The following MYH14 variants were observed in gnomAD, a reference collection of about 807,000 sequenced individuals.
The protein encoded by MYH14 is myosin heavy chain 14, also known as myosin-14.
Under a neutral mutation model 255.5 loss-of-function variants are expected in MYH14, and 123 were observed. The ratio of observed to expected loss-of-function variants is 0.48; its 90% CI spans 0.42 to 0.56. The LOEUF is 0.56. MYH14 is among the 20% of genes least tolerant of loss of function. The probability of loss-of-function intolerance (pLI) is 0.00; values close to 1 mark genes in which losing one functional copy is unlikely to be tolerated. For synonymous variants in MYH14, 1,095 were observed against 1,161.2 expected, an observed-to-expected ratio of 0.94 and a Z score of 1.16; for missense variants, 2,423 against 2,802.3, an observed-to-expected ratio of 0.86 and a Z score of 3.06.
rs1365792217 is a variant in MYH14 at position 50,280,359 on chromosome 19, T to G, written c.4266T>G (p.Arg1422=). 6.5e-7 allele frequency: 1 copy of G among 1,545,612 alleles called. No homozygotes were observed. Among genetic ancestry groups the G allele is most frequent in the South Asian group, 1.2e-5 (1 of 83,602 alleles). The change falls in exon 32 of 43, where the codon CGT becomes CGG. Residue 1422 remains arginine, a synonymous_variant. Transcript: ENST00000642316. This position sits in a 1 kb window ranked among gnomAD's most constrained non-coding sequence, Gnocchi z 4.8. Reference sequence around the variant, plus strand: ...CAGCTGCCAGGGAACGGGCGGGCCGTGAACTGCAGACTGCCCAGGCCCAGG... The same window carrying G: ...CAGCTGCCAGGGAACGGGCGGGCCGGGAACTGCAGACTGCCCAGGCCCAGG... The part of the protein sequence containing the change: ...EEAAARERAG[R]ELQTAQAQLS...
chr19:50,277,151 G>A (rs1044654711), intron 29 of MYH14, among the ~76,000 whole-genome samples: 1 of 152,214 alleles, frequency 6.6e-6, no homozygotes, highest in Admixed American at 6.5e-5. Context: ...TTTCCTTTTA[G>A]TGAGAGAGGC....
chr19:50,238,803 C>T (rs1393113187), intron 10 of MYH14, among the ~76,000 whole-genome samples: 1 of 152,138 alleles, frequency 6.6e-6, no homozygotes, highest in Non-Finnish European at 1.5e-5. Flanking sequence ...CATGGAAGGT[C>T]ACATTCACAG....
intron 14 of MYH14, 134 bp downstream of exon 14, chr19:50,249,957 A>C (rs536670982): frequency 3.6e-5 from 40 of 1,105,000 alleles, no homozygotes; most frequent in Non-Finnish European, 5.1e-5. Context: ...AGGTGACAGC[A>C]CCTGCTTCCT....
At chr19:50,295,217 C>T (rs922279993) in intron 39 of MYH14, among the ~76,000 whole-genome samples, 5 of 151,528 alleles carry the variant, frequency 3.3e-5, no homozygotes, top group African/African-American at 9.7e-5. Flanking sequence ...CCCAGCTACT[C>T]GGGAGGCTGA....
intron 7 of MYH14, 117 bp from the exon 8 acceptor site, chr19:50,226,786 G>A: frequency 1.1e-6 from 1 of 914,584 alleles, no homozygotes; most frequent in Non-Finnish European, 1.7e-6. Flanking sequence ...AGGGAGCAAG[G>A]AAGTGGGGGG....
chr19:50,244,760 GGCCTGA>G (rs1264505670), intron 11 of MYH14, among the ~76,000 whole-genome samples: 1 of 152,096 alleles, frequency 6.6e-6, no homozygotes, highest in East Asian at 1.9e-4. Flanking sequence ...TGGGATTACA[GGCCTGA>G]GCCACCGTGC....
In MYH14 at chr19:50,221,747, G is replaced by A. The variant is rs590783; in HGVS notation, c.563-1336G>A. On this transcript the variant is annotated intron_variant, in intron 3 of 42. Transcript: ENST00000642316. The surrounding 1 kb of genome is among the most constrained non-coding windows in gnomAD (Gnocchi z 5.3). ...TGGCCTCGGCCTCCCAAAGTGCTGG[G>A]ATTACAGGTATGAGCCACTGTGTCC... 0.016 allele frequency among the ~76,000 whole-genome samples: 2,364 copies of A among 152,216 alleles called. 90 individuals are homozygous for A. The highest frequency in any genetic ancestry group is 0.15 in the East Asian group (752 of 5,166).
intron 4 of MYH14, 49 bp downstream of exon 4, chr19:50,223,159 C>A (rs374686439): frequency 1.9e-6 from 3 of 1,609,914 alleles, no homozygotes; most frequent in East Asian, 4.5e-5. Flanking sequence ...CTGGGTGGGG[C>A]GTGGCTGTGT....
Position 50,302,758 on chromosome 19 carries a change from C to T in MYH14, c.5678+889C>T, listed in dbSNP as rs1028302384. The stretch of plus-strand genomic sequence containing the variant: ...TCTACTAAAAATACAAAAAATTAGC[C>T]GGGCGTGGTGGCACGTGCCTGTAAT... On this transcript the variant is annotated intron_variant, in intron 40 of 42. Coordinates refer to ENST00000642316, the MANE Select transcript of MYH14 (RefSeq NM_001145809.2). Among the ~76,000 whole-genome samples, 18 of 150,518 alleles carry T rather than the reference C, an allele frequency of 1.2e-4. No homozygotes were observed. The East Asian group carries it at 1.6e-3, about 13-fold the overall frequency.
chr19:50,279,490 G>T (rs543954894), intron 30 of MYH14, among the ~76,000 whole-genome samples: 1 of 152,120 alleles, frequency 6.6e-6, no homozygotes, highest in African/African-American at 2.4e-5. Context: ...AAAATTAGCC[G>T]GGTGTGGTGG....
intron 2 of MYH14, among the ~76,000 whole-genome samples, chr19:50,216,679 C>T (rs1002019177): frequency 1.3e-5 from 2 of 151,872 alleles, no homozygotes; most frequent in South Asian, 2.1e-4. Flanking sequence ...CAGTAGAAAC[C>T]GCAGGTATGT....
intron 1 of MYH14, among the ~76,000 whole-genome samples, chr19:50,204,771 T>G (rs1299607326): frequency 6.6e-6 from 1 of 152,150 alleles, no homozygotes; most frequent in East Asian, 1.9e-4. Flanking sequence ...GGCGTGACCC[T>G]GCTGTCCCAG....
At chr19:50,277,887 A>C (rs1177519891) in intron 29 of MYH14, among the ~76,000 whole-genome samples, 196 bp from the exon 30 acceptor site, 1 of 151,930 alleles carries the variant, frequency 6.6e-6, no homozygotes, top group Non-Finnish European at 1.5e-5. Flanking sequence ...TTTGCACTCC[A>C]GCTTGGGCAA....
intron 1 of MYH14, among the ~76,000 whole-genome samples, chr19:50,204,867 G>T (rs1388742926): frequency 6.6e-6 from 1 of 151,808 alleles, no homozygotes; most frequent in Non-Finnish European, 1.5e-5. Flanking sequence ...TGCACTCCAA[G>T]CTGGGCAACA....
intron 22 of MYH14, among the ~76,000 whole-genome samples, chr19:50,265,036 T>C (rs906386016): frequency 2.0e-5 from 3 of 152,188 alleles, no homozygotes; most frequent in African/African-American, 7.2e-5. Context: ...CCCAGAACTT[T>C]TATAGAGGCT....
At chr19:50,253,351 G>T (rs1169700511) in intron 16 of MYH14, among the ~76,000 whole-genome samples, 1 of 151,840 alleles carries the variant, frequency 6.6e-6, no homozygotes, top group Non-Finnish European at 1.5e-5. Flanking sequence ...GCTGAGGCAG[G>T]AGAATCGCTT....
rs548803465 is a variant in MYH14, at chr19:50,252,180, G to A, written c.1831-459G>A. Among the ~76,000 whole-genome samples, 36 of 152,302 alleles carry A rather than the reference G, an allele frequency of 2.4e-4. No homozygotes were observed. The highest frequency in any genetic ancestry group is 4.6e-4 in the Non-Finnish European group (31 of 68,022). ...CCCTGCCCTCGGGGGACCGCTGTCTGGTGGGGGGCACATATGCAGAGAATT... is the reference window on the plus strand; with the variant it reads ...CCCTGCCCTCGGGGGACCGCTGTCTAGTGGGGGGCACATATGCAGAGAATT... On this transcript the variant is annotated intron_variant, in intron 15 of 42. Coordinates refer to ENST00000642316, the MANE Select transcript of MYH14 (RefSeq NM_001145809.2). The surrounding 1 kb of genome is among the most constrained non-coding windows in gnomAD (Gnocchi z 4.2).
At position 50,276,060 on chromosome 19, in the gene MYH14, C is replaced by A. The variant is rs559356437; in HGVS notation, c.3537C>A (p.Ala1179=). 2 of 1,611,934 alleles carry A rather than the reference C, an allele frequency of 1.2e-6. No individual in the cohort carries two copies. The highest frequency in any genetic ancestry group is 1.1e-5 in the South Asian group (1 of 90,636). Residue 1179 remains alanine (A), a synonymous_variant, in exon 28 of 43, where the codon GCC becomes GCA. Transcript: ENST00000642316. This position sits in a 1 kb window ranked among gnomAD's most constrained non-coding sequence, Gnocchi z 4.3. The part of the protein sequence containing the change: ...KSLREAQAAL[A]EAQEDLESER... ...TGCGGGAGGCTCAAGCAGCCCTGGCCGAGGCCCAGGAGGACCTGGAGTCTG... is the reference window on the plus strand; with the variant it reads ...TGCGGGAGGCTCAAGCAGCCCTGGCAGAGGCCCAGGAGGACCTGGAGTCTG...
intron 11 of MYH14, 119 bp downstream of exon 11, chr19:50,244,456 C>G: frequency 1.3e-6 from 1 of 745,352 alleles, no homozygotes; most frequent in South Asian, 1.5e-5. Context: ...TGTCTCCAAC[C>G]CAGGATCACT....
Sources: gnomAD v4.1 joint callset for allele counts (sites outside exome capture counted in the v4.1 genomes callset) on GRCh38, gnomAD v4.1.1 for gene constraint, Gnocchi (gnomAD v3.1) non-coding constraint, MANE v1.5 for transcripts, NCBI Gene and HGNC (gene_info 2026-07-23, HGNC 2026-07-21) for gene names.